The following VPS13B variants were observed in gnomAD, a reference collection of about 807,000 sequenced individuals.
VPS13B encodes the protein intermembrane lipid transfer protein VPS13B.
A neutral mutation model predicts 426.4 loss-of-function variants in VPS13B; 285 were observed. The observed-to-expected ratio is 0.67, with a 90% CI of 0.61 to 0.74. The LOEUF is 0.74. Ranked by LOEUF, VPS13B falls within the 30% of genes least tolerant of loss-of-function variation. The pLI, the probability that VPS13B is intolerant of heterozygous loss-of-function variation, is 0.00. For missense variants in VPS13B, 4,537 were observed against 4,782.6 expected, an observed-to-expected ratio of 0.95 and a Z score of 1.51; for synonymous variants, 1,676 against 1,676.4, an observed-to-expected ratio of 1.00 and a Z score of 0.01.
rs1024270686 is a variant in VPS13B at position 99,212,299 on chromosome 8, T to G, written c.2515+19242T>G. Among the ~76,000 whole-genome samples, 73 of 152,204 alleles carry G rather than the reference T, an allele frequency of 4.8e-4. 2 individuals carry two copies. The highest frequency in any genetic ancestry group is 4.6e-3 in the Admixed American group (71 of 15,288). ...TTCACCTCTCTCCTTCTATACTGAT[T>G]GGTTGAGAAACCTAATTGAGGCCAA... On this transcript the variant is annotated intron_variant, in intron 17 of 61. Transcript: ENST00000357162.
chr8:99,870,695 A>G, intron 59 of VPS13B, 90 bp from the exon 60 acceptor site: 1 of 1,205,860 alleles, frequency 8.3e-7, no homozygotes, highest in Non-Finnish European at 1.2e-6. Context: ...GTAACATTTT[A>G]TGGATGGCTC....
At position 99,764,570 on chromosome 8, in the gene VPS13B, C is replaced by T. The variant is rs564999962; in HGVS notation, c.7051-2204C>T. Among the ~76,000 whole-genome samples, 139 of 151,986 alleles carry T rather than the reference C, an allele frequency of 9.1e-4. 2 individuals are homozygous for T. Among genetic ancestry groups the T allele is most frequent in the Admixed American group, 7.1e-3 (109 of 15,250 alleles). On this transcript the variant is annotated intron_variant, in intron 39 of 61. Coordinates refer to ENST00000357162, the MANE Select transcript of VPS13B (RefSeq NM_152564.5). ...CTGGGACTACAGGCACCTGCCACCA[C>T]GCTTGGCTAATTTTTGTGTTTTTAG...
At chr8:99,214,082 T>G (rs1815260982) in intron 17 of VPS13B, among the ~76,000 whole-genome samples, 1 of 152,230 alleles carries the variant, frequency 6.6e-6, no homozygotes. Context: ...GTATTGTTTC[T>G]TATTGGACAG....
chr8:99,730,507 C>T (rs1420673330), intron 39 of VPS13B, among the ~76,000 whole-genome samples: 1 of 151,886 alleles, frequency 6.6e-6, no homozygotes. Flanking sequence ...ATTCTGTCTT[C>T]ATAATGTTGT....
In VPS13B at chr8:99,429,142, AG is replaced by A. The variant is rs796875119; in HGVS notation, c.3083-2394del. Among the ~76,000 whole-genome samples the A allele has an allele frequency of 5.1e-4, 77 of 152,154 alleles. 1 individual carries two copies. The highest frequency in any genetic ancestry group is 3.4e-3 in the Middle Eastern group (1 of 294). On this transcript the variant is annotated intron_variant, in intron 21 of 61. Coordinates refer to ENST00000357162, the MANE Select transcript of VPS13B (RefSeq NM_152564.5). The stretch of plus-strand genomic sequence containing the variant: ...CCGGGGCCTGTTGTGGGGTGTGGGG[AG>A]TGGGGAGGGATAGCATTTGGAGATA...
chr8:99,245,070 A>T (rs1225918407), intron 17 of VPS13B, among the ~76,000 whole-genome samples: 1 of 152,214 alleles, frequency 6.6e-6, no homozygotes, highest in East Asian at 1.9e-4. Context: ...CTTGTTTCAC[A>T]ATCAATTTAG....
intron 2 of VPS13B, among the ~76,000 whole-genome samples, chr8:99,031,177 C>T (rs1347380580): frequency 1.3e-5 from 2 of 151,710 alleles, no homozygotes; most frequent in Non-Finnish European, 2.9e-5. Context: ...AGTGTATTGC[C>T]GAAGCTTTCA....
chr8:99,309,457 G>A (rs1411838716), intron 19 of VPS13B, among the ~76,000 whole-genome samples: 1 of 152,110 alleles, frequency 6.6e-6, no homozygotes, highest in Non-Finnish European at 1.5e-5. Flanking sequence ...CCCATTGCTT[G>A]TTTTCATCAG....
intron 17 of VPS13B, among the ~76,000 whole-genome samples, chr8:99,269,133 TA>T (rs1395281412): frequency 1.3e-5 from 2 of 152,212 alleles, no homozygotes; most frequent in Non-Finnish European, 2.9e-5. Flanking sequence ...CTTTCCTTTA[TA>T]AATTACCCAG....
rs142407518 is a variant in VPS13B, at chr8:99,222,293, C to T, written c.2515+29236C>T. Among the ~76,000 whole-genome samples the T allele has an allele frequency of 3.3e-3, 500 of 152,272 alleles. 2 individuals are homozygous for T. The highest frequency in any genetic ancestry group is 0.012 in the African/African-American group (478 of 41,530). ...ATTCTAGCCCCATGTAACTTCCTTCCCAGTTCACCCCCAATATTGGCATTT... is the reference window on the plus strand; with the variant it reads ...ATTCTAGCCCCATGTAACTTCCTTCTCAGTTCACCCCCAATATTGGCATTT... On this transcript the variant is annotated intron_variant, in intron 17 of 61. Coordinates refer to ENST00000357162, the MANE Select transcript of VPS13B (RefSeq NM_152564.5).
intron 17 of VPS13B, among the ~76,000 whole-genome samples, chr8:99,263,538 T>C (rs115673303): frequency 2.0e-3 from 311 of 152,310 alleles, no homozygotes; most frequent in African/African-American, 7.3e-3. Flanking sequence ...CCCTGCTTTT[T>C]CTAGCTTTTA....
rs763525571 is a variant in VPS13B at position 99,157,680 on chromosome 8, A to C, written c.2208+937A>C. Among the ~76,000 whole-genome samples, 7 of 152,344 alleles carry C rather than the reference A, an allele frequency of 4.6e-5. No individual in the cohort carries two copies. In the East Asian group the frequency reaches 1.3e-3, roughly 29 times the overall value. ...AGGAAGAGTCCCATAACTCTACTTT[A>C]AATCAAAAGCTAGAAGTAATTAACC... On this transcript the variant is annotated intron_variant, in intron 15 of 61. Coordinates refer to ENST00000357162, the MANE Select transcript of VPS13B (RefSeq NM_152564.5).
chr8:99,298,220 G>A (rs2133063999), intron 19 of VPS13B, among the ~76,000 whole-genome samples: 1 of 152,324 alleles, frequency 6.6e-6, no homozygotes, highest in South Asian at 2.1e-4. Context: ...CGGGTGCGGT[G>A]GCTTGCGCCT....
rs1819070240 is a variant in VPS13B at position 99,465,546 on chromosome 8, G to T, written c.3446-1868G>T. ...TTAAAAATTTAACAAATTTTAATCT[G>T]GTCCCCTTCCATCCAGCATAACCAC... On this transcript the variant is annotated intron_variant, in intron 23 of 61. Coordinates refer to ENST00000357162, the MANE Select transcript of VPS13B (RefSeq NM_152564.5). 2.6e-5 allele frequency among the ~76,000 whole-genome samples: 4 copies of T among 151,666 alleles called. No homozygotes were observed. In the South Asian group the frequency reaches 8.3e-4, roughly 32 times the overall value.
chr8:99,650,605 A>G (rs1829772511), intron 34 of VPS13B, among the ~76,000 whole-genome samples: 1 of 152,206 alleles, frequency 6.6e-6, no homozygotes, highest in South Asian at 2.1e-4. Context: ...CCTATGATAA[A>G]GTTTGATTTA....
chr8:99,336,077 C>G (rs927928840), intron 19 of VPS13B, among the ~76,000 whole-genome samples: 5 of 152,124 alleles, frequency 3.3e-5, no homozygotes, highest in African/African-American at 1.2e-4. Flanking sequence ...AGCCAAAGAA[C>G]AAAGCAGGAG....
chr8:99,861,972 T>G, intron 58 of VPS13B, 26 bp downstream of exon 58: 1 of 1,561,014 alleles, frequency 6.4e-7, no homozygotes, highest in Non-Finnish European at 8.6e-7. Flanking sequence ...GCCTCCCACC[T>G]GTCTGTACTC....
chr8:99,854,180 ACCCAT>A lies in VPS13B; in HGVS notation c.10793_10797del (p.Pro3598LeufsTer22). 6.2e-7 allele frequency: 1 copy of A among 1,613,826 alleles called. No homozygotes were observed. The highest frequency in any genetic ancestry group is 8.5e-7 in the Non-Finnish European group (1 of 1,180,008). The stretch of plus-strand genomic sequence containing the variant: ...TCTCCTTCTCGGTGTTTGAAAGAGG[ACCCAT>A]CTTCACCACTGCGAGGCAGCTTGTG... On this transcript the variant is annotated frameshift_variant, in exon 56 of 62. Coordinates refer to ENST00000357162, the MANE Select transcript of VPS13B (RefSeq NM_152564.5). LOFTEE classifies it high-confidence loss of function.
intron 35 of VPS13B, among the ~76,000 whole-genome samples, chr8:99,665,131 T>C (rs985834479): frequency 6.6e-6 from 1 of 152,262 alleles, no homozygotes; most frequent in African/African-American, 2.4e-5. Context: ...GAGAAGTGTC[T>C]GTTCATATCC....
Sources: gnomAD v4.1 joint callset for allele counts (sites outside exome capture counted in the v4.1 genomes callset) on GRCh38, gnomAD v4.1.1 for gene constraint, MANE v1.5 for transcripts, NCBI Gene and HGNC (gene_info 2026-07-23, HGNC 2026-07-21) for gene names.